The following PRDM16 variants were observed in gnomAD, a reference collection of about 807,000 sequenced individuals.
PRDM16 encodes the protein PR/SET domain 16.
In PRDM16, 23 loss-of-function variants were observed where a neutral mutation model predicts 110.6. The observed-to-expected ratio is 0.21, with a 90% CI of 0.15 to 0.29. PRDM16 has a LOEUF of 0.29. Ranked by LOEUF, PRDM16 falls within the 10% of genes least tolerant of loss-of-function variation. The pLI is 1.00. For synonymous variants in PRDM16, 799 were observed against 781.8 expected (o/e 1.02, Z -0.37); for missense variants, 1,615 against 1,794.3 (o/e 0.90, Z 1.81).
At chr1:3,168,274 C>T (rs1643984223) in intron 1 of PRDM16, among the ~76,000 whole-genome samples, 1 of 24,532 alleles carries the variant, frequency 4.1e-5, no homozygotes. Context: ...GGCATCGCCC[C>T]CACTCCTGCC....
intron 1 of PRDM16, among the ~76,000 whole-genome samples, chr1:3,141,558 G>A (rs75103211): frequency 6.6e-6 from 1 of 152,234 alleles, no homozygotes; most frequent in Non-Finnish European, 1.5e-5. Context: ...TCAAAGCCCG[G>A]CCAGGCCTCT....
At chr1:3,264,632 G>A (rs1444794435) in intron 3 of PRDM16, among the ~76,000 whole-genome samples, 1 of 139,732 alleles carries the variant, frequency 7.2e-6, no homozygotes, top group South Asian at 2.4e-4. Context: ...CGAGGACCCC[G>A]GGCCAGGAGG....
chr1:3,295,381 G>A (rs372949337), intron 3 of PRDM16, among the ~76,000 whole-genome samples: 5 of 151,020 alleles, frequency 3.3e-5, no homozygotes, highest in South Asian at 2.1e-4. Flanking sequence ...GCTCCTCACC[G>A]CGGCTGGTCC....
At chr1:3,405,746 G>A (rs913613194) in intron 8 of PRDM16, 98 bp downstream of exon 8, 83 of 1,294,766 alleles carry the variant, frequency 6.4e-5, no homozygotes, top group Non-Finnish European at 3.5e-5. Context: ...CCCCCGATCC[G>A]AGGGGCCCCA....
intron 1 of PRDM16, among the ~76,000 whole-genome samples, chr1:3,150,960 G>C (rs1305589348): frequency 1.1e-5 from 1 of 94,854 alleles, no homozygotes; most frequent in Admixed American, 1.2e-4. Flanking sequence ...ATGGAAACGG[G>C]GGGCTGGTCC....
At chr1:3,278,693 T>A (rs1569981639) in intron 3 of PRDM16, among the ~76,000 whole-genome samples, 1 of 151,862 alleles carries the variant, frequency 6.6e-6, no homozygotes, top group South Asian at 2.1e-4. Flanking sequence ...TCGGCTAGGG[T>A]ATTGTGATCT....
chr1:3,221,390 T>C (rs1337288613), intron 2 of PRDM16, among the ~76,000 whole-genome samples: 2 of 152,236 alleles, frequency 1.3e-5, no homozygotes, highest in Non-Finnish European at 2.9e-5. Flanking sequence ...GTGGGACTTT[T>C]TTCCAGAAGA....
At chr1:3,292,055 T>C (rs1417595735) in intron 3 of PRDM16, among the ~76,000 whole-genome samples, 3 of 152,028 alleles carry the variant, frequency 2.0e-5, no homozygotes, top group Non-Finnish European at 4.4e-5. Flanking sequence ...GGAAGGTGCA[T>C]GGCCGCTTCA....
At chr1:3,341,605 G>A (rs563848836) in intron 3 of PRDM16, among the ~76,000 whole-genome samples, 8 of 152,320 alleles carry the variant, frequency 5.3e-5, no homozygotes, top group East Asian at 1.9e-4. Context: ...ACTTACGATC[G>A]CTCAACTTAG....
rs1557570178 is a variant in PRDM16, at chr1:3,269,413, G to A, written c.438+25276G>A. ...CAGTCCCGGAGGAGGACAGTCGGGA[G>A]GAGGACAGTCCCAGAGGAGCACAGT... On this transcript the variant is annotated intron_variant, in intron 3 of 16. Coordinates refer to ENST00000270722, the MANE Select transcript of PRDM16 (RefSeq NM_022114.4). Among the ~76,000 whole-genome samples the A allele has an allele frequency of 2.0e-5, 3 of 150,650 alleles. No individual in the cohort carries two copies. The South Asian group carries it at 6.4e-4, about 32-fold the overall frequency.
chr1:3,437,672 A>G lies in PRDM16; in HGVS notation c.*3861A>G, dbSNP rs1428950760. On this transcript the variant is annotated 3_prime_UTR_variant, in exon 17 of 17. Transcript: ENST00000270722. The stretch of plus-strand genomic sequence containing the variant: ...ACCATCCTTGCATTCTTCCTAGAAG[A>G]GTTCCTCTGCTCCTTCCATTCCATT... 1 of 226,286 alleles carries G rather than the reference A, an allele frequency of 4.4e-6. No individual in the cohort carries two copies. Among genetic ancestry groups the G allele is most frequent in the Non-Finnish European group, 8.8e-6 (1 of 113,830 alleles). The allele number at this position is 226,286 out of a possible 1,614,324, so 14.0% of individuals were successfully genotyped here. A position where few individuals can be genotyped will look rare whatever the true frequency, so the allele number is the denominator to read the frequency against.
At chr1:3,173,347 C>T (rs1177827141) in intron 1 of PRDM16, among the ~76,000 whole-genome samples, 1 of 152,240 alleles carries the variant, frequency 6.6e-6, no homozygotes, top group African/African-American at 2.4e-5. Context: ...AGCGCCTGCC[C>T]GGGGCGATGG....
chr1:3,097,654 T>G (rs1200311015), intron 1 of PRDM16, among the ~76,000 whole-genome samples: 1 of 152,090 alleles, frequency 6.6e-6, no homozygotes, highest in Admixed American at 6.5e-5. Flanking sequence ...CCACAGCCCC[T>G]CTGGGGGTCT....
At position 3,190,469 on chromosome 1, in the gene PRDM16, G is replaced by A. The variant is rs894939557; in HGVS notation, c.387+3995G>A. ...TCCCTCCTGTGTGTTAGGAATAGTCGCTGACTAAACCCGCTTTGTTCCTGG... is the reference window on the plus strand; with the variant it reads ...TCCCTCCTGTGTGTTAGGAATAGTCACTGACTAAACCCGCTTTGTTCCTGG... On this transcript the variant is annotated intron_variant, in intron 2 of 16. Coordinates refer to ENST00000270722, the MANE Select transcript of PRDM16 (RefSeq NM_022114.4). This position sits in a 1 kb window ranked among gnomAD's most constrained non-coding sequence, Gnocchi z 5.0. 1.1e-4 allele frequency among the ~76,000 whole-genome samples: 17 copies of A among 152,130 alleles called. No individual in the cohort carries two copies. The highest frequency in any genetic ancestry group is 2.4e-4 in the Non-Finnish European group (16 of 68,036).
At chr1:3,204,441 A>G (rs1638706025) in intron 2 of PRDM16, among the ~76,000 whole-genome samples, 1 of 152,220 alleles carries the variant, frequency 6.6e-6, no homozygotes. Flanking sequence ...CAGTTTCTAG[A>G]GAGGGAACCT....
At chr1:3,258,172 C>T (rs757599255) in intron 3 of PRDM16, among the ~76,000 whole-genome samples, 1 of 152,228 alleles carries the variant, frequency 6.6e-6, no homozygotes, top group Non-Finnish European at 1.5e-5. Flanking sequence ...TACCGTCCTG[C>T]TGCACTGAGA....
intron 4 of PRDM16, among the ~76,000 whole-genome samples, chr1:3,394,197 G>T (rs977472897): frequency 4.6e-5 from 7 of 152,130 alleles, no homozygotes; most frequent in Non-Finnish European, 8.8e-5. Context: ...AGCTGCGGTG[G>T]GGGGCATCCC....
At chr1:3,125,313 G>C (rs1643182402) in intron 1 of PRDM16, among the ~76,000 whole-genome samples, 1 of 152,270 alleles carries the variant, frequency 6.6e-6, no homozygotes, top group Admixed American at 6.5e-5. Context: ...GCTGGCCAGA[G>C]GAGGCCAGCC....
intron 1 of PRDM16, among the ~76,000 whole-genome samples, chr1:3,106,591 G>A (rs1339665013): frequency 3.3e-5 from 5 of 152,212 alleles, no homozygotes; most frequent in African/African-American, 1.2e-4. Flanking sequence ...GAGTTGTGGT[G>A]TGGGTGCGCT....
Sources: gnomAD v4.1 joint callset for allele counts (sites outside exome capture counted in the v4.1 genomes callset) on GRCh38, gnomAD v4.1.1 for gene constraint, Gnocchi (gnomAD v3.1) non-coding constraint, MANE v1.5 for transcripts, NCBI Gene and HGNC (gene_info 2026-07-23, HGNC 2026-07-21) for gene names.